Variants in CADM2 observed in about 807,000 individuals in gnomAD.
CADM2 encodes the protein immunoglobulin superfamily member 4D.
Under a neutral mutation model 49.8 loss-of-function variants are expected in CADM2, and 12 were observed. The ratio of observed to expected loss-of-function variants is 0.24; its 90% CI spans 0.15 to 0.39. CADM2 has a LOEUF of 0.39. CADM2 is among the 10% of genes least tolerant of loss of function. The pLI is 1.00. For missense variants in CADM2, 378 were observed against 492.3 expected (o/e 0.77, Z 2.20); for synonymous variants, 214 against 175.4 (o/e 1.22, Z -1.74).
At chr3:85,031,939 T>A (rs2035008873) in intron 1 of CADM2, among the ~76,000 whole-genome samples, 1 of 152,196 alleles carries the variant, frequency 6.6e-6, no homozygotes, top group South Asian at 2.1e-4. Context: ...CATTTTATGG[T>A]CCTGCAAATG....
intron 3 of CADM2, among the ~76,000 whole-genome samples, chr3:85,873,912 G>C (rs1711500939): frequency 6.6e-6 from 1 of 152,020 alleles, no homozygotes; most frequent in South Asian, 2.1e-4. Flanking sequence ...TTAGTAAGAA[G>C]TGGGGAAACT....
intron 1 of CADM2, among the ~76,000 whole-genome samples, chr3:85,696,304 A>G (rs1246187291): frequency 6.6e-6 from 1 of 151,818 alleles, no homozygotes; most frequent in Non-Finnish European, 1.5e-5. Flanking sequence ...TTTTGATTAT[A>G]TTTGCTTTTG....
chr3:85,308,392 T>C (rs2044267270), intron 1 of CADM2, among the ~76,000 whole-genome samples: 1 of 151,650 alleles, frequency 6.6e-6, no homozygotes, highest in Non-Finnish European at 1.5e-5. Flanking sequence ...TTCAGTATGC[T>C]GATATTCTCT....
At chr3:85,833,164 G>A (rs972797646) in intron 3 of CADM2, among the ~76,000 whole-genome samples, 1 of 151,874 alleles carries the variant, frequency 6.6e-6, no homozygotes, top group Non-Finnish European at 1.5e-5. Flanking sequence ...CAGGAATAAA[G>A]CTTACTTAAT....
chr3:85,767,552 G>A (rs1439467002), intron 2 of CADM2, among the ~76,000 whole-genome samples: 1 of 152,084 alleles, frequency 6.6e-6, no homozygotes, highest in African/African-American at 2.4e-5. Context: ...TGGCTGGTTG[G>A]ATTATCGTGA....
At chr3:85,864,399 T>C (rs753908209) in intron 3 of CADM2, among the ~76,000 whole-genome samples, 2 of 152,236 alleles carry the variant, frequency 1.3e-5, no homozygotes, top group Non-Finnish European at 2.9e-5. Context: ...GGAATTTGCC[T>C]GTAACTTTCC....
At chr3:85,254,438 C>A (rs2042840295) in intron 1 of CADM2, among the ~76,000 whole-genome samples, 1 of 151,996 alleles carries the variant, frequency 6.6e-6, no homozygotes, top group South Asian at 2.1e-4. Flanking sequence ...CTTTCTACTC[C>A]ATGGAGTTCT....
At chr3:85,398,957 G>T (rs895492088) in intron 1 of CADM2, among the ~76,000 whole-genome samples, 1 of 152,074 alleles carries the variant, frequency 6.6e-6, no homozygotes, top group Non-Finnish European at 1.5e-5. Context: ...TAGACTGCCT[G>T]TTCACTCTCA....
At chr3:85,806,403 G>A (rs1463607386) in intron 3 of CADM2, among the ~76,000 whole-genome samples, 1 of 152,148 alleles carries the variant, frequency 6.6e-6, no homozygotes. Flanking sequence ...CTACCTGGAG[G>A]TGTAAGTTTC....
intron 2 of CADM2, among the ~76,000 whole-genome samples, chr3:85,730,532 C>G (rs2067888019): frequency 1.3e-5 from 2 of 152,058 alleles, no homozygotes; most frequent in Non-Finnish European, 2.9e-5. Flanking sequence ...AACTTGTCTC[C>G]TGATTCAATT....
chr3:85,373,398 C>A (rs1394173170), intron 1 of CADM2, among the ~76,000 whole-genome samples: 1 of 152,106 alleles, frequency 6.6e-6, no homozygotes, highest in African/African-American at 2.4e-5. Flanking sequence ...TGGTCTTGGG[C>A]AGCTCTGACC....
At chr3:85,214,776 T>C (rs184284907) in intron 1 of CADM2, among the ~76,000 whole-genome samples, 38 of 152,084 alleles carry the variant, frequency 2.5e-4, no homozygotes, top group African/African-American at 8.4e-4. Context: ...CTACCACTGA[T>C]GTTCACTCAA....
intron 8 of CADM2, chr3:85,979,392 A>C (rs892668665): frequency 7.2e-6 from 9 of 1,247,494 alleles, no homozygotes; most frequent in Non-Finnish European, 1.0e-5. Context: ...AATTATGAGA[A>C]GTAATTAAGT....
At chr3:85,705,284 T>A (rs1406828661) in intron 1 of CADM2, among the ~76,000 whole-genome samples, 1 of 151,662 alleles carries the variant, frequency 6.6e-6, no homozygotes, top group Non-Finnish European at 1.5e-5. Context: ...GACTTGGGAC[T>A]CTCTCCCAAG....
At chr3:85,106,591 C>A (rs776930049) in intron 1 of CADM2, among the ~76,000 whole-genome samples, 10 of 152,150 alleles carry the variant, frequency 6.6e-5, no homozygotes, top group Non-Finnish European at 1.3e-4. Context: ...AAGGCACAAG[C>A]TCCTTCTATC....
intron 3 of CADM2, among the ~76,000 whole-genome samples, chr3:85,851,431 C>A (rs1358756234): frequency 6.6e-6 from 1 of 151,858 alleles, no homozygotes; most frequent in Non-Finnish European, 1.5e-5. Flanking sequence ...TGTTTGAGGT[C>A]TGTAAAACAA....
chr3:85,100,150 T>G lies in CADM2; in HGVS notation c.61+140482T>G, dbSNP rs866914712. On this transcript the variant is annotated intron_variant, in intron 1 of 9. Transcript: ENST00000383699. ...ACTATTTTAAAACCTTCTCCAGTGA[T>G]GGCTTCATGGATTTCTTGTATTTCT... Among the ~76,000 whole-genome samples the G allele has an allele frequency of 4.6e-5, 7 of 152,332 alleles. No individual in the cohort carries two copies. The Middle Eastern group carries it at 0.014, about 296-fold the overall frequency.
At chr3:85,139,042 GGCATCGGTGAGT>G (rs1428458740) in intron 1 of CADM2, among the ~76,000 whole-genome samples, 3 of 152,094 alleles carry the variant, frequency 2.0e-5, no homozygotes, top group African/African-American at 7.2e-5. Flanking sequence ...ATCTGCTACT[GGCATCGGTGAGT>G]GCAGGTTGGG....
Position 86,037,339 on chromosome 3 carries a change from A to G in CADM2, c.971-28266A>G, listed in dbSNP as rs184205050. Among the ~76,000 whole-genome samples the G allele has an allele frequency of 1.1e-3, 165 of 152,312 alleles. 2 individuals are homozygous for G. The highest frequency in any genetic ancestry group is 8.0e-3 in the Admixed American group (123 of 15,296). ...GTTGGCAATACTTATTACAGCCTCC[A>G]TTACACATTGGTTGTTATGTATATG... is the stretch of plus-strand genomic sequence containing the variant. On this transcript the variant is annotated intron_variant, in intron 8 of 9. Coordinates refer to ENST00000383699, the MANE Select transcript of CADM2 (RefSeq NM_001167675.2).
Sources: allele counts gnomAD v4.1 joint callset (sites outside exome capture counted in the v4.1 genomes callset), GRCh38; gene constraint gnomAD v4.1.1; transcripts MANE v1.5; gene names NCBI Gene and HGNC (gene_info 2026-07-23, HGNC 2026-07-21).